Variants in CADM2 observed in about 807,000 individuals in gnomAD.
CADM2 encodes cell adhesion molecule 2, also known as immunoglobulin superfamily member 4D.
Under a neutral mutation model 49.8 loss-of-function variants are expected in CADM2, and 12 were observed. That is an observed-to-expected ratio of 0.24 (90% CI 0.15 to 0.39). CADM2 has a LOEUF of 0.39. Ranked by LOEUF, CADM2 falls within the 10% of genes least tolerant of loss-of-function variation. CADM2 has a pLI of 1.00. For synonymous variants in CADM2, 214 were observed against 175.4 expected (o/e 1.22, Z -1.74); for missense variants, 378 against 492.3 (o/e 0.77, Z 2.20).
intron 8 of CADM2, among the ~76,000 whole-genome samples, chr3:86,058,342 T>C (rs1054785791): frequency 1.6e-4 from 24 of 152,182 alleles, no homozygotes; most frequent in African/African-American, 5.8e-4. Flanking sequence ...CTTTTTTTTT[T>C]CCTCATAAAA....
chr3:85,953,608 C>A (rs1723704611), intron 7 of CADM2, among the ~76,000 whole-genome samples: 1 of 150,966 alleles, frequency 6.6e-6, no homozygotes, highest in East Asian at 2.0e-4. Flanking sequence ...TTTCATAACT[C>A]ATTTATGCCA....
intron 1 of CADM2, among the ~76,000 whole-genome samples, chr3:85,420,360 A>G (rs2036112952): frequency 6.6e-6 from 1 of 152,224 alleles, no homozygotes; most frequent in South Asian, 2.1e-4. Flanking sequence ...TATATGTTAT[A>G]TTTAGTTCTA....
At chr3:85,866,554 C>T (rs766767650) in intron 3 of CADM2, among the ~76,000 whole-genome samples, 1 of 152,002 alleles carries the variant, frequency 6.6e-6, no homozygotes, top group Non-Finnish European at 1.5e-5. Flanking sequence ...TATATCTGTA[C>T]GTTTAGTCTC....
chr3:85,546,323 T>G (rs1332708627), intron 1 of CADM2, among the ~76,000 whole-genome samples: 4 of 152,196 alleles, frequency 2.6e-5, no homozygotes, highest in Non-Finnish European at 4.4e-5. Flanking sequence ...CATTTTGAGT[T>G]GCTTCTTTGA....
At chr3:85,442,475 A>G (rs1168286327) in intron 1 of CADM2, among the ~76,000 whole-genome samples, 1 of 30,572 alleles carries the variant, frequency 3.3e-5, no homozygotes, top group East Asian at 6.8e-3. Flanking sequence ...AAGAAAAATA[A>G]TAATTCACCT....
At chr3:85,560,824 A>G (rs553026716) in intron 1 of CADM2, among the ~76,000 whole-genome samples, 7 of 152,144 alleles carry the variant, frequency 4.6e-5, no homozygotes, top group African/African-American at 1.7e-4. Flanking sequence ...AACAAACAGG[A>G]AAAAAAGTAG....
intron 1 of CADM2, among the ~76,000 whole-genome samples, chr3:85,580,175 C>T (rs1370203990): frequency 6.6e-6 from 1 of 151,870 alleles, no homozygotes; most frequent in African/African-American, 2.4e-5. Flanking sequence ...ATTTATTGAC[C>T]CATTTAATCA....
At position 86,023,994 on chromosome 3, in the gene CADM2, T is replaced by C. The variant is rs541888890; in HGVS notation, c.971-41611T>C. ...CATTCTGTCCATGCTCCCATTTCAA[T>C]CAAAATTTACGTTGACTTTCCCCAT... is the stretch of plus-strand genomic sequence containing the variant. On this transcript the variant is annotated intron_variant, in intron 8 of 9. Coordinates refer to ENST00000383699, the MANE Select transcript of CADM2 (RefSeq NM_001167675.2). Among the ~76,000 whole-genome samples, 90 of 152,226 alleles carry C rather than the reference T, an allele frequency of 5.9e-4. 2 individuals are homozygous for C. Among genetic ancestry groups the C allele is most frequent in the Non-Finnish European group, 3.1e-4 (21 of 68,024 alleles).
At chr3:85,154,015 T>G (rs1247633222) in intron 1 of CADM2, among the ~76,000 whole-genome samples, 1 of 151,966 alleles carries the variant, frequency 6.6e-6, no homozygotes, top group Non-Finnish European at 1.5e-5. Flanking sequence ...AACTGGAAAC[T>G]CTAAAAAGCA....
chr3:85,682,683 C>A (rs921278168), intron 1 of CADM2, among the ~76,000 whole-genome samples: 7 of 151,918 alleles, frequency 4.6e-5, no homozygotes, highest in East Asian at 1.9e-4. Flanking sequence ...TATTTGATAT[C>A]TTTTAATAGT....
chr3:85,265,793 A>G (rs546774373), intron 1 of CADM2, among the ~76,000 whole-genome samples: 1 of 152,156 alleles, frequency 6.6e-6, no homozygotes, highest in South Asian at 2.1e-4. Flanking sequence ...AATATGTAGA[A>G]CACTTTAAAA....
chr3:85,378,987 A>G (rs1421159182), intron 1 of CADM2, among the ~76,000 whole-genome samples: 6 of 152,018 alleles, frequency 3.9e-5, no homozygotes, highest in Non-Finnish European at 7.4e-5. Flanking sequence ...GCAACCATCA[A>G]TGTAGTATAT....
chr3:85,173,741 A>G (rs867360320), intron 1 of CADM2, among the ~76,000 whole-genome samples: 3 of 152,226 alleles, frequency 2.0e-5, no homozygotes, highest in Middle Eastern at 3.2e-3. Flanking sequence ...GTTTTAAGCT[A>G]TAGCGACAGG....
chr3:85,558,588 T>C (rs1330954938), intron 1 of CADM2, among the ~76,000 whole-genome samples: 1 of 152,112 alleles, frequency 6.6e-6, no homozygotes, highest in Admixed American at 6.5e-5. Flanking sequence ...TTTTCTAGAA[T>C]ATCTTCTATG....
intron 1 of CADM2, among the ~76,000 whole-genome samples, chr3:85,452,182 A>T (rs1219488651): frequency 6.6e-6 from 1 of 152,042 alleles, no homozygotes; most frequent in Non-Finnish European, 1.5e-5. Flanking sequence ...TGTTGGGAAA[A>T]TTTCTTGAAG....
intron 1 of CADM2, among the ~76,000 whole-genome samples, chr3:85,285,410 G>A (rs1174245399): frequency 6.6e-6 from 1 of 151,962 alleles, no homozygotes; most frequent in African/African-American, 2.4e-5. Context: ...CTAATAAAGT[G>A]GAAAATGCAT....
intron 1 of CADM2, among the ~76,000 whole-genome samples, chr3:84,978,186 G>A (rs911703588): frequency 1.3e-5 from 2 of 152,014 alleles, no homozygotes; most frequent in African/African-American, 2.4e-5. Flanking sequence ...CAGGAATTAT[G>A]TATTTCTTTC....
At chr3:85,999,215 T>G (rs1353398315) in intron 8 of CADM2, among the ~76,000 whole-genome samples, 2 of 151,090 alleles carry the variant, frequency 1.3e-5, no homozygotes, top group African/African-American at 4.9e-5. Flanking sequence ...CTTATTTAAT[T>G]TTGCCAGGCG....
intron 1 of CADM2, among the ~76,000 whole-genome samples, chr3:85,472,674 A>G (rs2038818031): frequency 6.6e-6 from 1 of 151,932 alleles, no homozygotes; most frequent in Non-Finnish European, 1.5e-5. Flanking sequence ...ATAATGGGAG[A>G]GATGAATAGC....
Sources: gnomAD v4.1 joint callset for allele counts (sites outside exome capture counted in the v4.1 genomes callset) on GRCh38, gnomAD v4.1.1 for gene constraint, MANE v1.5 for transcripts, NCBI Gene and HGNC (gene_info 2026-07-23, HGNC 2026-07-21) for gene names.